The following AGGF1 variants were observed in gnomAD, a reference collection of about 807,000 sequenced individuals.
AGGF1 encodes the protein angiogenic factor with G patch and FHA domains 1.
In AGGF1, 56 loss-of-function variants were observed where a neutral mutation model predicts 86.5. The ratio of observed to expected loss-of-function variants is 0.65; its 90% CI spans 0.52 to 0.81. The LOEUF (loss-of-function observed/expected upper bound fraction) is 0.81. Among genes scored for constraint, AGGF1 ranks in the 30% least tolerant of loss-of-function variants. The pLI, the probability that AGGF1 is intolerant of heterozygous loss-of-function variation, is 0.00. For missense variants in AGGF1, 816 were observed against 850.9 expected (o/e 0.96, Z 0.51); for synonymous variants, 313 against 297.1 (o/e 1.05, Z -0.55).
rs574225066 is a variant in AGGF1 at position 77,065,123 on chromosome 5, A to C, written c.*1871A>C. 1 of 152,192 alleles carries C rather than the reference A, an allele frequency of 6.6e-6. No homozygotes were observed. Among genetic ancestry groups the C allele is most frequent in the African/African-American group, 2.4e-5 (1 of 41,464 alleles). 9.4% of individuals were successfully genotyped at this position (152,192 alleles called of 1,614,324 possible). The stretch of plus-strand genomic sequence containing the variant: ...CAAATGAGAAAATGTATATAAAAGC[A>C]CTTTGTAAATTGTAAAAGTAGTACA... On this transcript the variant is annotated 3_prime_UTR_variant, in exon 14 of 14. Coordinates refer to ENST00000312916, the MANE Select transcript of AGGF1 (RefSeq NM_018046.5).
At position 77,039,559 on chromosome 5, in the gene AGGF1, C is replaced by T. The variant is rs910645002; in HGVS notation, c.710C>T (p.Thr237Ile). The change falls in exon 5 of 14, where the codon ACT (threonine) becomes ATT (isoleucine). Residue 237 changes from threonine (T) to isoleucine (I), a missense_variant. Coordinates refer to ENST00000312916, the MANE Select transcript of AGGF1 (RefSeq NM_018046.5). ...AATCAACTCTATTATGATCCTTCCA[C>T]TGGAATTTATTACTATTGTGATGTG... The part of the protein sequence containing the change: ...SENQLYYDPS[T>I]GIYYYCDVES... 1.2e-6 allele frequency: 2 copies of T among 1,610,090 alleles called. No homozygotes were observed. The highest frequency in any genetic ancestry group is 8.5e-7 in the Non-Finnish European group (1 of 1,178,132).
chr5:77,042,449 C>T (rs1747114069), intron 5 of AGGF1, among the ~76,000 whole-genome samples: 1 of 115,924 alleles, frequency 8.6e-6, no homozygotes, highest in African/African-American at 2.9e-5. Context: ...GGCTGACCCC[C>T]CCCACCTCCC....
chr5:77,042,521 G>A (rs1747120254), intron 5 of AGGF1, among the ~76,000 whole-genome samples: 2 of 82,656 alleles, frequency 2.4e-5, no homozygotes, highest in African/African-American at 3.6e-5. Flanking sequence ...CCCGGACGGG[G>A]CGGCTGGCCG....
rs78273685 is a variant in AGGF1 at position 77,036,638 on chromosome 5, C to T, written c.599C>T (p.Ala200Val). ...LAESLRAAAE[A>V]AVSQTGFSYD... ...GAAAGTTTGAGAGCTGCAGCAGAAGCGGCTGTATCACAGACTGGATTTAGT... is the reference window on the plus strand; with the variant it reads ...GAAAGTTTGAGAGCTGCAGCAGAAGTGGCTGTATCACAGACTGGATTTAGT... The change falls in exon 4 of 14, where the codon GCG becomes GTG. Residue 200 changes from alanine to valine, a missense_variant. This residue lies in a region of AGGF1 where 11 missense variants were observed against 30.7 expected (regional missense o/e 0.36). Coordinates refer to ENST00000312916, the MANE Select transcript of AGGF1 (RefSeq NM_018046.5). 2.5e-6 allele frequency: 4 copies of T among 1,613,758 alleles called. No individual in the cohort carries two copies. Among genetic ancestry groups the T allele is most frequent in the African/African-American group, 2.7e-5 (2 of 75,038 alleles).
chr5:77,045,604 A>C (rs1230546915), intron 5 of AGGF1, among the ~76,000 whole-genome samples: 1 of 152,246 alleles, frequency 6.6e-6, no homozygotes, highest in Non-Finnish European at 1.5e-5. Context: ...CTGAATCTGA[A>C]GTACTAAATT....
chr5:77,035,493 A>T (rs772757267), intron 2 of AGGF1, 48 bp from the exon 3 acceptor site: 1 of 1,420,396 alleles, frequency 7.0e-7, no homozygotes, highest in African/African-American at 1.4e-5. Flanking sequence ...TCCTTTTTAT[A>T]TACATTATTC....
intron 5 of AGGF1, 120 bp downstream of exon 5, chr5:77,039,839 T>C: frequency 1.2e-6 from 1 of 857,158 alleles, no homozygotes; most frequent in Non-Finnish European, 1.8e-6. Context: ...CCCATTAAGA[T>C]AACCTAGGAA....
chr5:77,059,880 C>T (rs529141418), intron 12 of AGGF1, 137 bp downstream of exon 12: 161 of 1,178,480 alleles, frequency 1.4e-4, no homozygotes, highest in Middle Eastern at 6.1e-4. Context: ...CTTGCTCCGT[C>T]GCCCAGGCTG....
chr5:77,037,336 G>T (rs1269245004), intron 4 of AGGF1, among the ~76,000 whole-genome samples: 1 of 152,104 alleles, frequency 6.6e-6, no homozygotes, highest in East Asian at 1.9e-4. Flanking sequence ...TTAATTTTAG[G>T]CTTGGAATGA....
Position 77,030,872 on chromosome 5 carries a change from C to CTGCGGAGCTGCAAGCGGCAGG in AGGF1, c.112_132dup (p.Ser38_Arg44dup), listed in dbSNP as rs781603465. 9.9e-6 allele frequency: 16 copies of CTGCGGAGCTGCAAGCGGCAGG among 1,613,426 alleles called. No individual in the cohort carries two copies. In the South Asian group the frequency reaches 1.5e-4, roughly 15 times the overall value. On this transcript the variant is annotated inframe_insertion, in exon 1 of 14. Coordinates refer to ENST00000312916, the MANE Select transcript of AGGF1 (RefSeq NM_018046.5). Reference sequence around the variant, plus strand: ...GAAGGTGGAGAAGTTGGAACGTGAACTGCGGAGCTGCAAGCGGCAGGTGCG... The same window carrying CTGCGGAGCTGCAAGCGGCAGG: ...GAAGGTGGAGAAGTTGGAACGTGAACTGCGGAGCTGCAAGCGGCAGGTGCGGAGCTGCAAGCGGCAGGTGCG...
chr5:77,031,251 A>G (rs1282106397), intron 1 of AGGF1, among the ~76,000 whole-genome samples: 3 of 152,144 alleles, frequency 2.0e-5, no homozygotes, highest in Non-Finnish European at 2.9e-5. Flanking sequence ...CTAACATCCC[A>G]TTGGCAGTAG....
chr5:77,043,293 GC>G (rs1747162212), intron 5 of AGGF1, among the ~76,000 whole-genome samples: 1 of 22,726 alleles, frequency 4.4e-5, no homozygotes, highest in African/African-American at 1.6e-4. Flanking sequence ...AGACGGGGCG[GC>G]TGGCCGGGCG....
At position 77,063,851 on chromosome 5, in the gene AGGF1, A is replaced by T. The variant is rs1354139319; in HGVS notation, c.*599A>T. ...TTCTGTGAAGAATCTGTTGCTATGT[A>T]CTGTATATTCAGCATTTATATTTGG... On this transcript the variant is annotated 3_prime_UTR_variant, in exon 14 of 14. Coordinates refer to ENST00000312916, the MANE Select transcript of AGGF1 (RefSeq NM_018046.5). 1 of 155,672 alleles carries T rather than the reference A, an allele frequency of 6.4e-6. No homozygotes were observed. Among genetic ancestry groups the T allele is most frequent in the East Asian group, 1.9e-4 (1 of 5,284 alleles). 9.6% of individuals were successfully genotyped at this position (155,672 alleles called of 1,614,324 possible). A position where few individuals can be genotyped will look rare whatever the true frequency, so the allele number is the denominator to read the frequency against.
intron 8 of AGGF1, among the ~76,000 whole-genome samples, chr5:77,049,909 T>C (rs1452285465): frequency 1.3e-5 from 2 of 152,150 alleles, no homozygotes; most frequent in Non-Finnish European, 2.9e-5. Flanking sequence ...TCTCCTCTCT[T>C]ATGGTTGTTA....
chr5:77,049,018 C>T (rs371034018), intron 8 of AGGF1, 31 bp downstream of exon 8: 24 of 1,600,308 alleles, frequency 1.5e-5, no homozygotes, highest in East Asian at 2.2e-5. Flanking sequence ...AATATAGTCC[C>T]CTAGATGTAA....
rs1747517870 is a variant in AGGF1 at position 77,059,609 on chromosome 5, T to TG, written c.1717-7_1717-6insG. 1.3e-6 allele frequency: 2 copies of TG among 1,598,898 alleles called. No individual in the cohort carries two copies. Among genetic ancestry groups the TG allele is most frequent in the Admixed American group, 3.3e-5 (2 of 59,946 alleles). ...TTTTCCTGAATGAATATTTTGTGTT[T>TG]ATTAAGAATACAGAATACGAAGATG... is the stretch of plus-strand genomic sequence containing the variant. On this transcript the variant is annotated splice_polypyrimidine_tract_variant and splice_region_variant and intron_variant, in intron 11 of 13. Coordinates refer to ENST00000312916, the MANE Select transcript of AGGF1 (RefSeq NM_018046.5).
chr5:77,057,750 G>A (rs950142712), intron 11 of AGGF1, among the ~76,000 whole-genome samples: 4 of 152,332 alleles, frequency 2.6e-5, no homozygotes, highest in Middle Eastern at 3.4e-3. Flanking sequence ...ACCCTGGAAA[G>A]CATCGCACCT....
intron 11 of AGGF1, among the ~76,000 whole-genome samples, chr5:77,056,926 C>T (rs962414143): frequency 6.6e-5 from 10 of 152,022 alleles, no homozygotes; most frequent in Non-Finnish European, 1.5e-4. Flanking sequence ...AAGAAAACAA[C>T]TCAGTTAAAA....
intron 12 of AGGF1, among the ~76,000 whole-genome samples, chr5:77,060,874 A>G (rs1195099751): frequency 6.6e-6 from 1 of 152,196 alleles, no homozygotes; most frequent in East Asian, 1.9e-4. Context: ...GAGTATAAAG[A>G]GTGCATTCAA....
Sources: gnomAD v4.1 joint callset for allele counts (sites outside exome capture counted in the v4.1 genomes callset) on GRCh38, gnomAD v4.1.1 for gene constraint, gnomAD v4.1.1 regional missense constraint, MANE v1.5 for transcripts, NCBI Gene and HGNC (gene_info 2026-07-23, HGNC 2026-07-21) for gene names.